Variants in TBK1 observed in about 807,000 individuals in gnomAD.
TBK1 encodes serine/threonine-protein kinase TBK1.
In TBK1, 37 loss-of-function variants were observed where a neutral mutation model predicts 99.9. That is an observed-to-expected ratio of 0.37 (90% CI 0.28 to 0.49). The LOEUF is 0.49. TBK1 is among the 20% of genes least tolerant of loss of function. The pLI is 0.98. For synonymous variants in TBK1, 258 were observed against 279.8 expected (o/e 0.92, Z 0.78); for missense variants, 644 against 872.5 (o/e 0.74, Z 3.30).
chr12:64,478,376 C>T (rs572244097), intron 6 of TBK1, among the ~76,000 whole-genome samples: 2 of 152,184 alleles, frequency 1.3e-5, no homozygotes, highest in Non-Finnish European at 2.9e-5. Flanking sequence ...TCTTGAACTC[C>T]TGGCCTCAAG....
Position 64,472,206 on chromosome 12 carries a change from T to A in TBK1, c.541-2024T>A, listed in dbSNP as rs138102284. The stretch of plus-strand genomic sequence containing the variant: ...TACTTGTCTGCATTCTGATTTCTCA[T>A]TAAAATGTGTTTCTCAAAAGAGTCT... On this transcript the variant is annotated intron_variant, in intron 5 of 20. Transcript: ENST00000331710. Among the ~76,000 whole-genome samples, 468 of 151,780 alleles carry A rather than the reference T, an allele frequency of 3.1e-3. 5 individuals are homozygous for A. The highest frequency in any genetic ancestry group is 0.011 in the African/African-American group (448 of 41,340).
chr12:64,454,218 A>T (rs2040459882), intron 1 of TBK1, among the ~76,000 whole-genome samples: 1 of 152,224 alleles, frequency 6.6e-6, no homozygotes, highest in South Asian at 2.1e-4. Flanking sequence ...CAAAGACAAA[A>T]TTAGAAGAGA....
chr12:64,488,865 G>A (rs564122352), intron 12 of TBK1, among the ~76,000 whole-genome samples: 5 of 152,264 alleles, frequency 3.3e-5, no homozygotes, highest in East Asian at 1.9e-4. Context: ...GGTGGCGCAC[G>A]CCTGTAGTCC....
intron 5 of TBK1, among the ~76,000 whole-genome samples, chr12:64,470,524 TAA>T (rs2040652055): frequency 1.3e-5 from 2 of 152,204 alleles, no homozygotes; most frequent in Admixed American, 1.3e-4. Flanking sequence ...CAATTTTTGG[TAA>T]AGTTTCTAAC....
At chr12:64,481,801 G>A in intron 7 of TBK1, 41 bp from the exon 8 acceptor site, 1 of 1,386,776 alleles carries the variant, frequency 7.2e-7, no homozygotes, top group Non-Finnish European at 9.6e-7. Context: ...GACAGAATAT[G>A]ATATATTCAC....
intron 3 of TBK1, among the ~76,000 whole-genome samples, chr12:64,462,558 A>G (rs185338419): frequency 3.7e-4 from 57 of 152,284 alleles, no homozygotes; most frequent in Admixed American, 7.2e-4. Flanking sequence ...ATTTTCAACA[A>G]TCAACATACA....
chr12:64,456,798 C>T (rs1403829386), intron 2 of TBK1, among the ~76,000 whole-genome samples: 3 of 147,802 alleles, frequency 2.0e-5, no homozygotes, highest in East Asian at 2.0e-4. Context: ...GCCAAGATAG[C>T]ACCACTGCAC....
chr12:64,473,756 G>A (rs1224318001), intron 5 of TBK1, among the ~76,000 whole-genome samples: 1 of 152,040 alleles, frequency 6.6e-6, no homozygotes, highest in Non-Finnish European at 1.5e-5. Context: ...GGCCAACATG[G>A]TGAAACCCTG....
Position 64,456,482 on chromosome 12 carries a change from G to A in TBK1, c.87+525G>A, listed in dbSNP as rs552590650. 2.0e-5 allele frequency among the ~76,000 whole-genome samples: 3 copies of A among 152,220 alleles called. No individual in the cohort carries two copies. In the East Asian group the frequency reaches 5.8e-4, roughly 29 times the overall value. ...TTGAAAAGACCATATTTTGGTATAAGGTAATCAGAACCTGGTAGTGGAAGT... is the reference window on the plus strand; with the variant it reads ...TTGAAAAGACCATATTTTGGTATAAAGTAATCAGAACCTGGTAGTGGAAGT... On this transcript the variant is annotated intron_variant, in intron 2 of 20. Transcript: ENST00000331710.
intron 13 of TBK1, among the ~76,000 whole-genome samples, chr12:64,492,675 A>C (rs1014991062): frequency 6.6e-6 from 1 of 152,070 alleles, no homozygotes; most frequent in Admixed American, 6.6e-5. Context: ...TTATGACATC[A>C]GGACTTCTCA....
At chr12:64,497,562 C>T (rs2040941747) in intron 18 of TBK1, 86 bp from the exon 19 acceptor site, 6 of 866,876 alleles carry the variant, frequency 6.9e-6, no homozygotes, top group Non-Finnish European at 1.1e-5. Flanking sequence ...AAAGCTGTAA[C>T]ACTTGATGTC....
rs761540369 is a variant in TBK1 at position 64,495,764 on chromosome 12, A to G, written c.1709A>G (p.Lys570Arg). ...ATTTACTATCAGTTCAAAAAAGACA[A>G]AGCAGAACGTAGTAAGTAAAATTTG... is the stretch of plus-strand genomic sequence containing the variant. The part of the protein sequence containing the change: ...TEIYYQFKKD[K>R]AERRLAYNEE... Residue 570 changes from lysine to arginine, a missense_variant, in exon 15 of 21, where the codon AAA (lysine) becomes AGA (arginine). Lys to Arg is a conservative substitution (Grantham distance 26, BLOSUM62 2). This residue lies in a region of TBK1 where 465 missense variants were observed against 588.0 expected (regional missense o/e 0.79). Coordinates refer to ENST00000331710, the MANE Select transcript of TBK1 (RefSeq NM_013254.4). The G allele has an allele frequency of 6.8e-5, 108 of 1,588,146 alleles. 1 individual carries two copies. The highest frequency in any genetic ancestry group is 4.6e-5 in the Non-Finnish European group (54 of 1,170,210).
chr12:64,478,375 C>T (rs2040736076), intron 6 of TBK1, among the ~76,000 whole-genome samples: 1 of 152,156 alleles, frequency 6.6e-6, no homozygotes, highest in Non-Finnish European at 1.5e-5. Flanking sequence ...GTCTTGAACT[C>T]CTGGCCTCAA....
chr12:64,463,156 G>C (rs2040565146), intron 3 of TBK1, among the ~76,000 whole-genome samples: 1 of 152,098 alleles, frequency 6.6e-6, no homozygotes, highest in Non-Finnish European at 1.5e-5. Context: ...CGGATCACGA[G>C]GTCAGGAGAT....
intron 13 of TBK1, 121 bp from the exon 14 acceptor site, chr12:64,495,362 T>C: frequency 8.1e-7 from 1 of 1,232,360 alleles, no homozygotes; most frequent in Non-Finnish European, 1.1e-6. Context: ...AAATAATTAC[T>C]GTGCCTTTGA....
chr12:64,485,510 TA>T lies in TBK1; in HGVS notation c.1247del (p.Lys416ArgfsTer3). The T allele has an allele frequency of 6.6e-7, 1 of 1,524,644 alleles. No homozygotes were observed. Among genetic ancestry groups the T allele is most frequent in the Non-Finnish European group, 9.0e-7 (1 of 1,111,458 alleles). The allele number at this position is 1,524,644 out of a possible 1,614,324, so 94.4% of individuals were successfully genotyped here. A position where few individuals can be genotyped will look rare whatever the true frequency, so the allele number is the denominator to read the frequency against. ...YDLDGDASMA[K>X]AITGVVCYAC... Reference sequence around the variant, plus strand: ...ATTTAGACGGGGATGCTAGCATGGCTAAGGTTAGTATTTAATTTAATTACTA... The same window carrying T: ...ATTTAGACGGGGATGCTAGCATGGCTAGGTTAGTATTTAATTTAATTACTA... On this transcript the variant is annotated frameshift_variant and splice_region_variant, in exon 10 of 21. Transcript: ENST00000331710. LOFTEE classifies it high-confidence loss of function.
chr12:64,454,113 ATTAC>A (rs2040458718), intron 1 of TBK1, among the ~76,000 whole-genome samples: 1 of 151,966 alleles, frequency 6.6e-6, no homozygotes, highest in African/African-American at 2.4e-5. Context: ...ATTTTACATT[ATTAC>A]TTTTCTTTAT....
In TBK1 at chr12:64,464,512, C is replaced by A. The variant is rs199602631; in HGVS notation, c.358+49C>A. On this transcript the variant is annotated intron_variant, in intron 4 of 20. Coordinates refer to ENST00000331710, the MANE Select transcript of TBK1 (RefSeq NM_013254.4). Reference sequence around the variant, plus strand: ...ATCATTTGTATATAAAATTTAATAACAGAATTTTTAAAAAATATCTTCCAT... The same window carrying A: ...ATCATTTGTATATAAAATTTAATAAAAGAATTTTTAAAAAATATCTTCCAT... 4.3e-6 allele frequency: 6 copies of A among 1,407,394 alleles called. No homozygotes were observed. The East Asian group carries it at 1.0e-4, about 24-fold the overall frequency. 87.2% of individuals were successfully genotyped at this position (1,407,394 alleles called of 1,614,324 possible). A position where few individuals can be genotyped will look rare whatever the true frequency, so the allele number is the denominator to read the frequency against.
At chr12:64,489,475 T>C (rs894207700) in intron 12 of TBK1, among the ~76,000 whole-genome samples, 3 of 152,170 alleles carry the variant, frequency 2.0e-5, no homozygotes, top group Non-Finnish European at 4.4e-5. Flanking sequence ...GAAATTAATT[T>C]GTCTTTTCTG....
Sources: allele counts gnomAD v4.1 joint callset (sites outside exome capture counted in the v4.1 genomes callset), GRCh38; gene constraint gnomAD v4.1.1; regional missense constraint gnomAD v4.1.1; transcripts MANE v1.5; gene names NCBI Gene and HGNC (gene_info 2026-07-23, HGNC 2026-07-21).